SLC26A5: variants seen among roughly 807,000 people sequenced by gnomAD.
SLC26A5 encodes the protein prestin.
A neutral mutation model predicts 81.0 loss-of-function variants in SLC26A5; 51 were observed. The observed-to-expected ratio is 0.63, with a 90% CI of 0.50 to 0.80. The LOEUF (loss-of-function observed/expected upper bound fraction) is 0.80. Ranked by LOEUF, SLC26A5 falls within the 30% of genes least tolerant of loss-of-function variation. The probability of loss-of-function intolerance (pLI) is 0.00; values close to 1 mark genes in which losing one functional copy is unlikely to be tolerated. For missense variants in SLC26A5, 771 were observed against 905.8 expected, an observed-to-expected ratio of 0.85 and a Z score of 1.91; for synonymous variants, 325 against 332.8, an observed-to-expected ratio of 0.98 and a Z score of 0.25.
At position 103,407,002 on chromosome 7, in the gene SLC26A5, C is replaced by T. The variant is rs1258119574; in HGVS notation, c.888+849G>A. On this transcript the variant is annotated intron_variant, in intron 8 of 19. Coordinates refer to ENST00000306312, the MANE Select transcript of SLC26A5 (RefSeq NM_198999.3). ...CGCTCCCACACACGTGCAAACAAGC[C>T]CCAGGGTGCTAAGGGCACTCTGTGG... Among the ~76,000 whole-genome samples the T allele has an allele frequency of 2.0e-5, 3 of 152,128 alleles. 1 individual carries two copies. The highest frequency in any genetic ancestry group is 4.1e-4 in the South Asian group (2 of 4,820).
rs61733321 is a variant in SLC26A5 at position 103,364,205 on chromosome 7, C to T, written c.2042-11279G>A. 1,448 of 1,614,130 alleles carry T rather than the reference C, an allele frequency of 9.0e-4. 11 individuals are homozygous for T. The African/African-American group carries it at 0.017, about 19-fold the overall frequency. ...AGGGCGTGCTGCTCTTTGGTCCACCCGGTACAGGCAAGACACTCTGTGCGC... is the reference window on the plus strand; with the variant it reads ...AGGGCGTGCTGCTCTTTGGTCCACCTGGTACAGGCAAGACACTCTGTGCGC... On this transcript the variant is annotated intron_variant, in intron 19 of 19. Transcript: ENST00000339444.
At chr7:103,413,916 C>T (rs2116671317) in intron 4 of SLC26A5, among the ~76,000 whole-genome samples, 1 of 151,962 alleles carries the variant, frequency 6.6e-6, no homozygotes. Flanking sequence ...ATCAACATCC[C>T]CCACTATCAA....
intron 9 of SLC26A5, among the ~76,000 whole-genome samples, chr7:103,395,459 T>TTA (rs1391538240): frequency 8.3e-4 from 120 of 143,966 alleles, no homozygotes; most frequent in East Asian, 1.0e-3. Context: ...ACAAGTAGAT[T>TTA]TATATATATA....
chr7:103,381,413 C>A (rs1369894748), intron 14 of SLC26A5, among the ~76,000 whole-genome samples: 1 of 150,638 alleles, frequency 6.6e-6, no homozygotes, highest in African/African-American at 2.4e-5. Flanking sequence ...CAAACACAAA[C>A]AATACACACA....
At chr7:103,364,958 C>CATACAT (rs374432802) in intron 19 of SLC26A5, among the ~76,000 whole-genome samples, 6 of 125,500 alleles carry the variant, frequency 4.8e-5, no homozygotes, top group South Asian at 2.5e-4. Flanking sequence ...TGTAGACATA[C>CATACAT]ATATATATAT....
At chr7:103,427,329 T>G (rs950817803) in intron 2 of SLC26A5, among the ~76,000 whole-genome samples, 1 of 152,028 alleles carries the variant, frequency 6.6e-6, no homozygotes, top group African/African-American at 2.4e-5. Context: ...TTGCCCACCT[T>G]GGCCTCCCAA....
chr7:103,369,681 C>T (rs1308762804), downstream of SLC26A5, among the ~76,000 whole-genome samples: 3 of 152,146 alleles, frequency 2.0e-5, no homozygotes, highest in Non-Finnish European at 4.4e-5. Flanking sequence ...CCAGTAACTT[C>T]CTCCACCTAA....
chr7:103,407,804 A>G, intron 8 of SLC26A5, 47 bp downstream of exon 8: 1 of 1,604,072 alleles, frequency 6.2e-7, no homozygotes, highest in Non-Finnish European at 8.5e-7. Flanking sequence ...GAAATAAGTA[A>G]ATGCAGTTGT....
chr7:103,401,615 G>A (rs142403580), intron 8 of SLC26A5, among the ~76,000 whole-genome samples: 1 of 152,300 alleles, frequency 6.6e-6, no homozygotes, highest in Non-Finnish European at 1.5e-5. Flanking sequence ...GGAGTGGTGA[G>A]AGAGGGCATC....
chr7:103,390,513 G>A lies in SLC26A5; in HGVS notation c.1234-7C>T, dbSNP rs767679693. Reference sequence around the variant, plus strand: ...AGGCCAAACAACCTGCAAGCTGAATGAGAGAAGACACATGGAAGGGGCTTT... The same window carrying A: ...AGGCCAAACAACCTGCAAGCTGAATAAGAGAAGACACATGGAAGGGGCTTT... On this transcript the variant is annotated splice_polypyrimidine_tract_variant and splice_region_variant and intron_variant, in intron 11 of 19. Coordinates refer to ENST00000306312, the MANE Select transcript of SLC26A5 (RefSeq NM_198999.3). 6.2e-7 allele frequency: 1 copy of A among 1,613,544 alleles called. No individual in the cohort carries two copies. The highest frequency in any genetic ancestry group is 8.5e-7 in the Non-Finnish European group (1 of 1,179,426).
Position 103,405,349 on chromosome 7 carries a change from A to G in SLC26A5, c.888+2502T>C, listed in dbSNP as rs148414800. ...CTACCTTTGGTCTTTGCTCTTGGTG[A>G]CCTTCGGATGGGGTTTTTATGTTGA... is the stretch of plus-strand genomic sequence containing the variant. On this transcript the variant is annotated intron_variant, in intron 8 of 19. Transcript: ENST00000306312. Among the ~76,000 whole-genome samples, 69 of 151,942 alleles carry G rather than the reference A, an allele frequency of 4.5e-4. No individual in the cohort carries two copies. The East Asian group carries it at 0.012, about 27-fold the overall frequency.
chr7:103,364,116 AGT>A (rs1311864101), intron 19 of SLC26A5: 2 of 1,605,620 alleles, frequency 1.2e-6, no homozygotes, highest in Non-Finnish European at 1.7e-6. Flanking sequence ...AGAAGTGGTA[AGT>A]GTGAAAATTG....
chr7:103,363,841 T>TA lies in SLC26A5; in HGVS notation c.2042-10916dup, dbSNP rs201829079. On this transcript the variant is annotated intron_variant, in intron 19 of 19. Coordinates refer to the SLC26A5 transcript ENST00000339444. ...CTGAATACCAGATAATTTTGTTCCT[T>TA]AAACACCATAATTTTTTTTAAATTA... 3.8e-3 allele frequency among the ~76,000 whole-genome samples: 574 copies of TA among 152,344 alleles called. 4 individuals are homozygous for TA. Among genetic ancestry groups the TA allele is most frequent in the African/African-American group, 0.014 (565 of 41,582 alleles).
intron 2 of SLC26A5, among the ~76,000 whole-genome samples, chr7:103,441,283 G>C (rs1826861023): frequency 6.6e-6 from 1 of 152,014 alleles, no homozygotes; most frequent in Non-Finnish European, 1.5e-5. Flanking sequence ...TAGGTATTTT[G>C]GGAAATGAAA....
intron 19 of SLC26A5, among the ~76,000 whole-genome samples, chr7:103,359,824 A>G (rs765103087): frequency 1.6e-4 from 25 of 152,184 alleles, no homozygotes; most frequent in Non-Finnish European, 2.8e-4. Flanking sequence ...TCATGCCTGT[A>G]ATCCCAGCAC....
At chr7:103,439,766 T>A (rs1826736952) in intron 2 of SLC26A5, among the ~76,000 whole-genome samples, 1 of 152,190 alleles carries the variant, frequency 6.6e-6, no homozygotes, top group Admixed American at 6.5e-5. Context: ...ACTCCTGGCC[T>A]CAAGCGATCT....
At chr7:103,437,201 T>C (rs1826512980) in intron 2 of SLC26A5, among the ~76,000 whole-genome samples, 1 of 152,196 alleles carries the variant, frequency 6.6e-6, no homozygotes, top group African/African-American at 2.4e-5. Flanking sequence ...ATTACCAATA[T>C]TTAGGGAAAT....
chr7:103,396,115 C>T (rs987926487), intron 9 of SLC26A5, among the ~76,000 whole-genome samples: 7 of 152,140 alleles, frequency 4.6e-5, no homozygotes, highest in African/African-American at 1.2e-4. Flanking sequence ...ACAGCTAGTA[C>T]GTGGCAGGCT....
intron 16 of SLC26A5, among the ~76,000 whole-genome samples, chr7:103,378,868 A>G (rs2116360878): frequency 6.6e-6 from 1 of 152,294 alleles, no homozygotes; most frequent in East Asian, 1.9e-4. Context: ...AGCTTTTCCT[A>G]TATACAGCGT....
Sources: allele counts gnomAD v4.1 joint callset (sites outside exome capture counted in the v4.1 genomes callset), GRCh38; gene constraint gnomAD v4.1.1; transcripts MANE v1.5; gene names NCBI Gene and HGNC (gene_info 2026-07-23, HGNC 2026-07-21).